RERE: variants seen among roughly 807,000 people sequenced by gnomAD.
RERE encodes arginine-glutamic acid dipeptide repeats protein.
Under a neutral mutation model 146.1 loss-of-function variants are expected in RERE, and 40 were observed. That is an observed-to-expected ratio of 0.27 (90% CI 0.21 to 0.36). RERE has a LOEUF of 0.36. Among genes scored for constraint, RERE ranks in the 10% least tolerant of loss-of-function variants. The pLI, the probability that RERE is intolerant of heterozygous loss-of-function variation, is 1.00. For synonymous variants in RERE, 1,003 were observed against 866.0 expected, an observed-to-expected ratio of 1.16 and a Z score of -2.78; for missense variants, 1,933 against 2,138.7, an observed-to-expected ratio of 0.90 and a Z score of 1.90.
chr1:8,608,161 T>A (rs1400228153), intron 4 of RERE, among the ~76,000 whole-genome samples: 1 of 152,034 alleles, frequency 6.6e-6, no homozygotes, highest in Non-Finnish European at 1.5e-5. Context: ...GGTGCTGGGA[T>A]TATAGGCATG....
chr1:8,385,658 C>T (rs1208245696), intron 12 of RERE, among the ~76,000 whole-genome samples: 2 of 151,836 alleles, frequency 1.3e-5, no homozygotes, highest in Non-Finnish European at 2.9e-5. Context: ...ACCAGCTACC[C>T]GGAGAGCTTT....
At chr1:8,422,848 C>T (rs1233180350) in intron 11 of RERE, 41 bp from the exon 12 acceptor site, 3 of 1,425,260 alleles carry the variant, frequency 2.1e-6, no homozygotes, top group Non-Finnish European at 3.0e-6. Context: ...AAACCAAAAA[C>T]AAAACAGGAT....
chr1:8,786,716 C>T lies in RERE; in HGVS notation c.-145+30444G>A. On this transcript the variant is annotated intron_variant, in intron 1 of 22. Coordinates refer to ENST00000400908, the MANE Select transcript of RERE (RefSeq NM_001042681.2). ...ACACAGAAGTTGCCAGCTTTTCTTG[C>T]CATCCTTGCCATTCGAATTTCAGTT... 1.3e-5 allele frequency: 10 copies of T among 786,582 alleles called. No homozygotes were observed. In the South Asian group the frequency reaches 1.3e-4, roughly 10 times the overall value. The allele number at this position is 786,582 out of a possible 1,614,324, so 48.7% of individuals were successfully genotyped here. A position where few individuals can be genotyped will look rare whatever the true frequency, so the allele number is the denominator to read the frequency against.
At chr1:8,742,471 G>A (rs1023516179) in intron 1 of RERE, among the ~76,000 whole-genome samples, 18 of 152,130 alleles carry the variant, frequency 1.2e-4, no homozygotes, top group African/African-American at 3.9e-4. Flanking sequence ...TCCACTCAAT[G>A]GCCAAGGGAA....
intron 12 of RERE, among the ~76,000 whole-genome samples, chr1:8,366,928 A>C (rs77441293): frequency 0.18 from 19,304 of 108,360 alleles, 1,837 homozygotes; most frequent in South Asian, 0.32. Context: ...AAAAAAAAAA[A>C]CAAAAAAAAA....
At chr1:8,569,829 C>T (rs1036474982) in intron 4 of RERE, among the ~76,000 whole-genome samples, 6 of 146,524 alleles carry the variant, frequency 4.1e-5, no homozygotes, top group Non-Finnish European at 6.1e-5. Context: ...CAGCTAAAGG[C>T]TGCAATAAGC....
intron 1 of RERE, among the ~76,000 whole-genome samples, chr1:8,743,107 C>G (rs143838707): frequency 2.0e-5 from 3 of 152,022 alleles, no homozygotes; most frequent in African/African-American, 7.2e-5. Flanking sequence ...AGTATGCAGT[C>G]TATTCGAGCT....
At position 8,364,352 on chromosome 1, in the gene RERE, T is replaced by C. The variant is rs1409175560; in HGVS notation, c.1541-97A>G. On this transcript the variant is annotated intron_variant, in intron 14 of 22. Transcript: ENST00000400908. The surrounding 1 kb of genome is among the most constrained non-coding windows in gnomAD (Gnocchi z 5.1). The stretch of plus-strand genomic sequence containing the variant: ...CCCTTCTGTGGGCTCTACCCAAACC[T>C]GATGCCACCAGCACCATGCAGCCCT... The C allele has an allele frequency of 5.7e-6, 6 of 1,058,606 alleles. No homozygotes were observed. The highest frequency in any genetic ancestry group is 8.7e-6 in the Non-Finnish European group (6 of 692,926). 65.6% of individuals were successfully genotyped at this position (1,058,606 alleles called of 1,614,324 possible).
chr1:8,368,533 G>A (rs905713455), intron 12 of RERE, among the ~76,000 whole-genome samples: 4 of 150,444 alleles, frequency 2.7e-5, no homozygotes, highest in Non-Finnish European at 4.4e-5. Context: ...AAAGCTATAC[G>A]AGACAAAAGG....
At chr1:8,733,643 T>C (rs908377521) in intron 1 of RERE, among the ~76,000 whole-genome samples, 8 of 152,220 alleles carry the variant, frequency 5.3e-5, no homozygotes, top group East Asian at 1.9e-4. Context: ...TATGTTGCAA[T>C]TGGATCCTCC....
chr1:8,357,082 A>G (rs1432633023), intron 20 of RERE, among the ~76,000 whole-genome samples: 1 of 151,906 alleles, frequency 6.6e-6, no homozygotes, highest in Non-Finnish European at 1.5e-5. Context: ...TTCTGGATTT[A>G]TTTTTTTCCA....
At chr1:8,385,461 A>C (rs767879039) in intron 12 of RERE, among the ~76,000 whole-genome samples, 2 of 152,146 alleles carry the variant, frequency 1.3e-5, no homozygotes, top group Non-Finnish European at 2.9e-5. Flanking sequence ...CAAAAAACTG[A>C]ATGGTAGCAG....
intron 12 of RERE, among the ~76,000 whole-genome samples, chr1:8,372,659 G>C (rs775612051): frequency 6.6e-6 from 1 of 152,164 alleles, no homozygotes; most frequent in African/African-American, 2.4e-5. Flanking sequence ...ACAGTTTTAC[G>C]ACCAACAGCA....
Position 8,359,922 on chromosome 1 carries a change from G to A in RERE, c.3460C>T (p.Leu1154=), listed in dbSNP as rs1641488243. Residue 1154 remains leucine, a synonymous_variant, in exon 19 of 23, where the codon CTG becomes TTG. Transcript: ENST00000400908. The stretch of plus-strand genomic sequence containing the variant: ...TTCTTGGCCAGCTTGGACCCGGCCA[G>A]AGGCATGAAGTACAGGTCTGTCCGG... The part of the protein sequence containing the change: ...CARTDLYFMP[L]AGSKLAKKRE... The A allele has an allele frequency of 1.2e-5, 19 of 1,613,388 alleles. No individual in the cohort carries two copies. The highest frequency in any genetic ancestry group is 1.5e-5 in the Non-Finnish European group (18 of 1,180,028).
At chr1:8,384,290 C>T (rs1468798766) in intron 12 of RERE, among the ~76,000 whole-genome samples, 1 of 152,164 alleles carries the variant, frequency 6.6e-6, no homozygotes, top group Non-Finnish European at 1.5e-5. Context: ...CCTGTTCCTG[C>T]TGCCCTAGTT....
At chr1:8,560,610 T>C (rs1330694203) in intron 4 of RERE, among the ~76,000 whole-genome samples, 2 of 152,142 alleles carry the variant, frequency 1.3e-5, no homozygotes, top group East Asian at 3.9e-4. Flanking sequence ...AAAAAGGAGA[T>C]ACTGAAATCT....
chr1:8,571,080 A>G (rs1435095120), intron 4 of RERE, among the ~76,000 whole-genome samples: 2 of 152,220 alleles, frequency 1.3e-5, no homozygotes, highest in South Asian at 2.1e-4. Context: ...CTACTTTAAA[A>G]CAACGGTGAA....
chr1:8,469,816 G>C (rs1185518935), intron 10 of RERE, among the ~76,000 whole-genome samples: 2 of 152,162 alleles, frequency 1.3e-5, no homozygotes, highest in Non-Finnish European at 2.9e-5. Flanking sequence ...TGGAAGAGAT[G>C]CTTCCACTGA....
chr1:8,405,976 G>A (rs1643426578), intron 12 of RERE, among the ~76,000 whole-genome samples: 1 of 152,096 alleles, frequency 6.6e-6, no homozygotes, highest in African/African-American at 2.4e-5. Flanking sequence ...TGTTTTCAAG[G>A]GGGAAAAAAA....
Sources: gnomAD v4.1 joint callset for allele counts (sites outside exome capture counted in the v4.1 genomes callset) on GRCh38, gnomAD v4.1.1 for gene constraint, Gnocchi (gnomAD v3.1) non-coding constraint, MANE v1.5 for transcripts, NCBI Gene and HGNC (gene_info 2026-07-23, HGNC 2026-07-21) for gene names.